Variants in BOLL observed in about 807,000 individuals in gnomAD.
BOLL encodes the protein protein boule-like.
Under a neutral mutation model 44.4 loss-of-function variants are expected in BOLL, and 23 were observed. That is an observed-to-expected ratio of 0.52 (90% confidence interval 0.37 to 0.73). BOLL has a LOEUF of 0.73. BOLL is among the 30% of genes least tolerant of loss of function. The pLI, the probability that BOLL is intolerant of heterozygous loss-of-function variation, is 0.00. For missense variants in BOLL, 287 were observed against 338.3 expected (o/e 0.85, Z 1.19); for synonymous variants, 97 against 110.8 (o/e 0.88, Z 0.78).
At position 197,743,072 on chromosome 2, in the gene BOLL, C is replaced by A; in HGVS notation, c.817G>T (p.Glu273Ter). The change falls in exon 10 of 11, where the codon GAG becomes TAG. Residue 273 changes from glutamate to a stop codon, truncating the protein, a stop_gained. Coordinates refer to ENST00000392296, the MANE Select transcript of BOLL (RefSeq NM_033030.6). LOFTEE classifies it high-confidence loss of function. Reference protein sequence around the residue: ...ITMPAPVMQPEPIKTVWSIHY With the variant: ...ITMPAPVMQP ...AACAAATTTCTTACTTTAATTGGCT[C>A]AGGCTGCATCACAGGCGCAGGCATA... 2 of 1,590,406 alleles carry A rather than the reference C, an allele frequency of 1.3e-6. No individual in the cohort carries two copies. The highest frequency in any genetic ancestry group is 1.2e-5 in the South Asian group (1 of 86,538).
At chr2:197,785,809 T>G (rs887031502), upstream of BOLL, among the ~76,000 whole-genome samples, 9 of 151,940 alleles carry the variant, frequency 5.9e-5, no homozygotes, top group Non-Finnish European at 1.2e-4. The surrounding 1 kb of genome is among the most constrained non-coding windows in gnomAD (Gnocchi z 6.7). Flanking sequence ...AGACGAGGTC[T>G]GCGGGCGGGT....
At chr2:197,784,909 T>C in intron 1 of BOLL, 147 bp downstream of exon 1, 1 of 986,996 alleles carries the variant, frequency 1.0e-6, no homozygotes, top group African/African-American at 1.7e-5. Flanking sequence ...TGAAGGCTCC[T>C]CCGTTTGCTA....
intron 6 of BOLL, among the ~76,000 whole-genome samples, chr2:197,770,056 A>C (rs1351520160): frequency 2.0e-5 from 3 of 152,182 alleles, no homozygotes; most frequent in South Asian, 2.1e-4. Flanking sequence ...AATCTTAAGC[A>C]AAAAGAACAA....
intron 5 of BOLL, chr2:197,773,998 A>G: frequency 2.2e-6 from 1 of 456,056 alleles, no homozygotes. Context: ...TACTTTTAAC[A>G]CCTATTTTTC....
intron 10 of BOLL, among the ~76,000 whole-genome samples, chr2:197,737,127 AT>A (rs201936351): frequency 0.016 from 2,474 of 152,136 alleles, 60 homozygotes; most frequent in African/African-American, 0.057. Flanking sequence ...TTAAAGATCT[AT>A]TACTGAGAAC....
Position 197,743,074 on chromosome 2 carries a change from G to T in BOLL, c.815C>A (p.Pro272His), listed in dbSNP as rs1355474482. ...AITMPAPVMQ[P>H]EPIKTVWSIH... ...CAAATTTCTTACTTTAATTGGCTCAGGCTGCATCACAGGCGCAGGCATAGT... is the reference window on the plus strand; with the variant it reads ...CAAATTTCTTACTTTAATTGGCTCATGCTGCATCACAGGCGCAGGCATAGT... Residue 272 changes from proline to histidine, a missense_variant, in exon 10 of 11, where the codon CCT becomes CAT. By Grantham distance (77) the Pro-to-His change is moderately conservative (BLOSUM62 -2). Transcript: ENST00000392296. 1.3e-6 allele frequency: 2 copies of T among 1,594,988 alleles called. No homozygotes were observed. Among genetic ancestry groups the T allele is most frequent in the East Asian group, 4.5e-5 (2 of 44,266 alleles).
chr2:197,767,387 C>T (rs1490266187), intron 6 of BOLL, among the ~76,000 whole-genome samples: 1 of 151,812 alleles, frequency 6.6e-6, no homozygotes, highest in African/African-American at 2.4e-5. Context: ...CAGTTTTGTA[C>T]AATTCACAGA....
At chr2:197,772,326 T>G (rs749237453) in intron 5 of BOLL, among the ~76,000 whole-genome samples, 73 of 152,046 alleles carry the variant, frequency 4.8e-4, no homozygotes, top group Non-Finnish European at 8.5e-4. Context: ...TTTGTACAAA[T>G]ATAAATTATG....
chr2:197,752,742 A>G (rs1202077988), intron 9 of BOLL, among the ~76,000 whole-genome samples: 1 of 152,238 alleles, frequency 6.6e-6, no homozygotes, highest in East Asian at 1.9e-4. Context: ...AGTAATTTAT[A>G]GATTCAATGC....
At chr2:197,744,658 G>A (rs1687908521) in intron 9 of BOLL, among the ~76,000 whole-genome samples, 1 of 152,180 alleles carries the variant, frequency 6.6e-6, no homozygotes, top group Admixed American at 6.5e-5. Context: ...TCAGGGAAGT[G>A]GTGGGAGTGT....
At chr2:197,750,852 C>T (rs1688210385) in intron 9 of BOLL, among the ~76,000 whole-genome samples, 2 of 152,192 alleles carry the variant, frequency 1.3e-5, no homozygotes, top group South Asian at 4.1e-4. Flanking sequence ...ACATTCTTCT[C>T]AGCACCACAT....
intron 10 of BOLL, among the ~76,000 whole-genome samples, chr2:197,736,031 G>C (rs536950179): frequency 1.3e-5 from 2 of 152,196 alleles, no homozygotes; most frequent in South Asian, 4.1e-4. Flanking sequence ...GTGGTAGAAA[G>C]CATGCTTGGA....
chr2:197,728,702 TA>T lies in BOLL; in HGVS notation c.829-125del, dbSNP rs1686965683. On this transcript the variant is annotated intron_variant, in intron 10 of 10. Transcript: ENST00000392296. ...ATATTTGCAGAACCTTGGTACCAAT[TA>T]AATTAGAATGTTACAAAGTGAGAGG... 21 of 664,674 alleles carry T rather than the reference TA, an allele frequency of 3.2e-5. No homozygotes were observed. The South Asian group carries it at 3.9e-4, about 12-fold the overall frequency. 41.2% of individuals were successfully genotyped at this position (664,674 alleles called of 1,614,324 possible).
At chr2:197,757,445 C>G (rs755765811) in intron 7 of BOLL, 45 bp from the exon 8 acceptor site, 1 of 1,557,358 alleles carries the variant, frequency 6.4e-7, no homozygotes, top group Non-Finnish European at 8.8e-7. Flanking sequence ...TGATTATAAA[C>G]AAGGGTTAAA....
At position 197,747,235 on chromosome 2, in the gene BOLL, G is replaced by A. The variant is rs777061494; in HGVS notation, c.730-4076C>T. On this transcript the variant is annotated intron_variant, in intron 9 of 10. Coordinates refer to ENST00000392296, the MANE Select transcript of BOLL (RefSeq NM_033030.6). ...ACACTGTAAATGTATACCATTTGTC[G>A]TTAGTTACAATTTAGTAAAGCTGAG... 3.4e-4 allele frequency among the ~76,000 whole-genome samples: 52 copies of A among 152,032 alleles called. 1 individual carries two copies. Among genetic ancestry groups the A allele is most frequent in the Non-Finnish European group, 4.1e-4 (28 of 67,988 alleles).
At position 197,785,170 on chromosome 2, in the gene BOLL, G is replaced by A. The variant is rs1020356775; in HGVS notation, c.-130C>T. The stretch of plus-strand genomic sequence containing the variant: ...GTTCTCTCGGGTCATCGTGAACTTG[G>A]GCACCGAAACGAGGATCCACCCCCT... On this transcript the variant is annotated 5_prime_UTR_variant, in exon 1 of 11. Coordinates refer to ENST00000392296, the MANE Select transcript of BOLL (RefSeq NM_033030.6). This position sits in a 1 kb window ranked among gnomAD's most constrained non-coding sequence, Gnocchi z 6.7. 2.0e-6 allele frequency: 2 copies of A among 985,850 alleles called. No individual in the cohort carries two copies. The highest frequency in any genetic ancestry group is 3.5e-5 in the African/African-American group (2 of 57,234). The allele number at this position is 985,850 out of a possible 1,614,324, so 61.1% of individuals were successfully genotyped here.
At chr2:197,785,980 C>T (rs755819430), upstream of BOLL, 8 of 1,607,990 alleles carry the variant, frequency 5.0e-6, no homozygotes, top group Admixed American at 3.3e-5. This position sits in a 1 kb window ranked among gnomAD's most constrained non-coding sequence, Gnocchi z 6.7. Context: ...TCGCCGTACT[C>T]ACCGGCCCGG....
chr2:197,772,562 A>G (rs908541077), intron 5 of BOLL, among the ~76,000 whole-genome samples: 1 of 151,868 alleles, frequency 6.6e-6, no homozygotes, highest in Non-Finnish European at 1.5e-5. Flanking sequence ...TCTATGATCT[A>G]TTCTCTATCT....
At chr2:197,729,542 T>C (rs1687043742) in intron 10 of BOLL, among the ~76,000 whole-genome samples, 1 of 152,124 alleles carries the variant, frequency 6.6e-6, no homozygotes. Flanking sequence ...ATCAGTAACC[T>C]CTGCAGACTT....
Sources: allele counts gnomAD v4.1 joint callset (sites outside exome capture counted in the v4.1 genomes callset), GRCh38; gene constraint gnomAD v4.1.1; non-coding constraint Gnocchi (gnomAD v3.1); transcripts MANE v1.5; gene names NCBI Gene and HGNC (gene_info 2026-07-23, HGNC 2026-07-21).